WWOX: variants seen among roughly 807,000 people sequenced by gnomAD.
The protein encoded by WWOX is WW domain-containing oxidoreductase.
Under a neutral mutation model 46.2 loss-of-function variants are expected in WWOX, and 69 were observed. The ratio of observed to expected loss-of-function variants is 1.49; its 90% CI spans 1.23 to 1.82. The LOEUF is 1.82. Ranked by LOEUF, WWOX falls within the 40% of genes most tolerant of loss-of-function variation. The probability of loss-of-function intolerance (pLI) is 0.00; values close to 1 mark genes in which losing one functional copy is unlikely to be tolerated. For missense variants in WWOX, 919 were observed against 542.6 expected (o/e 1.69, Z -6.89); for synonymous variants, 359 against 202.6 (o/e 1.77, Z -6.56).
At chr16:78,156,715 G>T (rs1449590606) in intron 4 of WWOX, among the ~76,000 whole-genome samples, 1 of 151,944 alleles carries the variant, frequency 6.6e-6, no homozygotes, top group Non-Finnish European at 1.5e-5. Flanking sequence ...TTTGAGGTTA[G>T]GAGTTCGAGA....
chr16:79,190,661 G>C (rs1411724226), intron 8 of WWOX, among the ~76,000 whole-genome samples: 2 of 152,212 alleles, frequency 1.3e-5, no homozygotes, highest in African/African-American at 2.4e-5. Flanking sequence ...TTAACTACTT[G>C]GCATTAGGTA....
chr16:78,815,624 G>T (rs1410352815), intron 8 of WWOX, among the ~76,000 whole-genome samples: 3 of 152,156 alleles, frequency 2.0e-5, no homozygotes, highest in Non-Finnish European at 4.4e-5. Flanking sequence ...GAGTCTCTCT[G>T]GAAGGAAACT....
At chr16:78,988,328 G>A (rs1037163049) in intron 8 of WWOX, among the ~76,000 whole-genome samples, 14 of 140,924 alleles carry the variant, frequency 9.9e-5, no homozygotes, top group Admixed American at 5.8e-4. Flanking sequence ...CAGGCAACAA[G>A]AGCAAAACTC....
chr16:78,933,032 G>A (rs1336890931), intron 8 of WWOX, among the ~76,000 whole-genome samples: 1 of 152,204 alleles, frequency 6.6e-6, no homozygotes, highest in Non-Finnish European at 1.5e-5. Flanking sequence ...TGAGTTAAGA[G>A]TTTCTATGAG....
At chr16:78,241,875 G>A (rs2037661882) in intron 5 of WWOX, among the ~76,000 whole-genome samples, 1 of 152,180 alleles carries the variant, frequency 6.6e-6, no homozygotes, top group South Asian at 2.1e-4. Context: ...GCCTCCAACA[G>A]CATTGCCTGG....
At chr16:78,991,356 G>C (rs1305067511) in intron 8 of WWOX, among the ~76,000 whole-genome samples, 4 of 152,134 alleles carry the variant, frequency 2.6e-5, no homozygotes, top group African/African-American at 9.7e-5. Context: ...CATTTTGGGA[G>C]GCTGAGATGG....
intron 8 of WWOX, among the ~76,000 whole-genome samples, chr16:79,160,882 T>A (rs1486936837): frequency 3.2e-5 from 3 of 93,916 alleles, no homozygotes; most frequent in East Asian, 9.5e-4. Flanking sequence ...ATTGTGTACA[T>A]ACACATATAC....
chr16:78,867,790 G>C (rs879548799), intron 8 of WWOX, among the ~76,000 whole-genome samples: 1 of 152,112 alleles, frequency 6.6e-6, no homozygotes, highest in Non-Finnish European at 1.5e-5. Context: ...CCAATCTGAG[G>C]CCTTTTCTGA....
At position 78,232,873 on chromosome 16, in the gene WWOX, C is replaced by T. The variant is rs551797444; in HGVS notation, c.516+68584C>T. 7.1e-4 allele frequency among the ~76,000 whole-genome samples: 107 copies of T among 151,292 alleles called. 1 individual carries two copies. Among genetic ancestry groups the T allele is most frequent in the African/African-American group, 2.3e-3 (95 of 41,196 alleles). On this transcript the variant is annotated intron_variant, in intron 5 of 8. Coordinates refer to ENST00000566780, the MANE Select transcript of WWOX (RefSeq NM_016373.4). ...TTTCTTTTTTTTTAAGATGGAGTCT[C>T]GCTCTGTCACCGGGCTGGAGTGCAG...
intron 8 of WWOX, among the ~76,000 whole-genome samples, chr16:78,691,940 G>C (rs1195370038): frequency 6.6e-6 from 1 of 152,182 alleles, no homozygotes; most frequent in African/African-American, 2.4e-5. Context: ...TCATAATAGT[G>C]AATAAGTCTC....
At position 78,555,970 on chromosome 16, in the gene WWOX, C is replaced by T. The variant is rs547980318; in HGVS notation, c.1056+123218C>T. On this transcript the variant is annotated intron_variant, in intron 8 of 8. Transcript: ENST00000566780. Reference sequence around the variant, plus strand: ...TCGCTGCTTATGAAATGCAAGGAATCGAGTGTCATGGAGGGGAGGAAGGGA... The same window carrying T: ...TCGCTGCTTATGAAATGCAAGGAATTGAGTGTCATGGAGGGGAGGAAGGGA... Among the ~76,000 whole-genome samples the T allele has an allele frequency of 5.9e-5, 9 of 152,030 alleles. No homozygotes were observed. The South Asian group carries it at 1.5e-3, about 25-fold the overall frequency.
chr16:78,179,905 G>C (rs2035474833), intron 5 of WWOX: 1 of 152,240 alleles, frequency 6.6e-6, no homozygotes. Context: ...GAGTGAGTGA[G>C]AGGGTAAAAC....
At chr16:78,680,404 C>T (rs117577491) in intron 8 of WWOX, among the ~76,000 whole-genome samples, 13,150 of 151,926 alleles carry the variant, frequency 0.087, 713 homozygotes, top group South Asian at 0.19. Flanking sequence ...CATGGTGTCA[C>T]GTGCCTGTAG....
chr16:78,417,438 T>C (rs755287740), intron 6 of WWOX, among the ~76,000 whole-genome samples: 18 of 152,074 alleles, frequency 1.2e-4, no homozygotes, highest in Non-Finnish European at 2.1e-4. Flanking sequence ...TAAATGGCAA[T>C]CATAATATAT....
At chr16:79,108,143 A>G (rs2049346452) in intron 8 of WWOX, among the ~76,000 whole-genome samples, 1 of 152,244 alleles carries the variant, frequency 6.6e-6, no homozygotes, top group South Asian at 2.1e-4. Context: ...AATTCATAAA[A>G]TAGGCACTCT....
At chr16:79,134,268 C>G (rs563597145) in intron 8 of WWOX, among the ~76,000 whole-genome samples, 2 of 152,146 alleles carry the variant, frequency 1.3e-5, no homozygotes, top group African/African-American at 4.8e-5. Flanking sequence ...CAGGTAGTCA[C>G]TATCTGGGAC....
At chr16:78,128,179 GCTCTTGA>G (rs1189692287) in intron 4 of WWOX, among the ~76,000 whole-genome samples, 2 of 152,066 alleles carry the variant, frequency 1.3e-5, no homozygotes, top group East Asian at 3.9e-4. Context: ...TAAAATAAGA[GCTCTTGA>G]CTTTTTTTTT....
chr16:78,679,863 C>T (rs570051572), intron 8 of WWOX, among the ~76,000 whole-genome samples: 19 of 152,310 alleles, frequency 1.2e-4, no homozygotes, highest in Admixed American at 2.0e-4. Context: ...TCATTGCTGC[C>T]GCATTTGCTT....
At position 78,821,965 on chromosome 16, in the gene WWOX, C is replaced by G. The variant is rs79904633; in HGVS notation, c.1056+389213C>G. On this transcript the variant is annotated intron_variant, in intron 8 of 8. Coordinates refer to ENST00000566780, the MANE Select transcript of WWOX (RefSeq NM_016373.4). ...CATCTTAGCTCACAGCAGCCTCGAC[C>G]TACCAGGCTCAAGCGATCCTTCTGC... Among the ~76,000 whole-genome samples the G allele has an allele frequency of 3.5e-3, 526 of 152,254 alleles. 3 individuals carry two copies. The highest frequency in any genetic ancestry group is 0.012 in the African/African-American group (510 of 41,552).
Sources: gnomAD v4.1 joint callset for allele counts (sites outside exome capture counted in the v4.1 genomes callset) on GRCh38, gnomAD v4.1.1 for gene constraint, MANE v1.5 for transcripts, NCBI Gene and HGNC (gene_info 2026-07-23, HGNC 2026-07-21) for gene names.